STARD4: variants seen among roughly 807,000 people sequenced by gnomAD.
STARD4 encodes StAR related lipid transfer domain containing 4.
A neutral mutation model predicts 24.9 loss-of-function variants in STARD4; 33 were observed. That is an observed-to-expected ratio of 1.32 (90% CI 1.00 to 1.77). The LOEUF is 1.77. Among genes scored for constraint, STARD4 ranks in the 40% most tolerant of loss-of-function variants. The pLI is 0.00. For missense variants in STARD4, 238 were observed against 249.3 expected (o/e 0.95, Z 0.31); for synonymous variants, 88 against 77.4 (o/e 1.14, Z -0.72).
chr5:111,505,705 A>G (rs1490440850), intron 3 of STARD4, among the ~76,000 whole-genome samples: 1 of 152,154 alleles, frequency 6.6e-6, no homozygotes, highest in East Asian at 1.9e-4. Context: ...ATTCTTCAAG[A>G]TAAGTTCCTA....
intron 3 of STARD4, 68 bp from the exon 4 acceptor site, chr5:111,502,156 T>G: frequency 6.6e-7 from 1 of 1,524,292 alleles, no homozygotes; most frequent in South Asian, 1.3e-5. Flanking sequence ...TTATAGTGCA[T>G]AGCTAACTTT....
intron 1 of STARD4, among the ~76,000 whole-genome samples, chr5:111,509,039 G>A (rs1757060911): frequency 6.6e-6 from 1 of 152,020 alleles, no homozygotes; most frequent in South Asian, 2.1e-4. Context: ...CGGATGAAAA[G>A]TTGATGAGCT....
Position 111,502,079 on chromosome 5 carries a change from G to A in STARD4, c.165C>T (p.Ala55=). The change falls in exon 4 of 6, where the codon GCC becomes GCT. Residue 55 remains alanine, a synonymous_variant. Coordinates refer to ENST00000296632, the MANE Select transcript of STARD4 (RefSeq NM_139164.3). ...AGACAAGGTCATCTATAACACCTTG[G>A]GCTTTGTAGCTGGAGAAAAAAAGTT... The part of the protein sequence containing the change: ...SEEFNGYLYK[A]QGVIDDLVYS... 3.7e-6 allele frequency: 6 copies of A among 1,610,424 alleles called. No individual in the cohort carries two copies. Among genetic ancestry groups the A allele is most frequent in the Non-Finnish European group, 5.1e-6 (6 of 1,178,888 alleles).
In STARD4 at chr5:111,496,116, T is replaced by A. The variant is rs1283874329; in HGVS notation, c.*3770A>T. 5 of 152,008 alleles carry A rather than the reference T, an allele frequency of 3.3e-5. No homozygotes were observed. Among genetic ancestry groups the A allele is most frequent in the Admixed American group, 3.3e-4 (5 of 15,250 alleles). The allele number at this position is 152,008 out of a possible 1,614,324, so 9.4% of individuals were successfully genotyped here. On this transcript the variant is annotated 3_prime_UTR_variant, in exon 6 of 6. Coordinates refer to ENST00000296632, the MANE Select transcript of STARD4 (RefSeq NM_139164.3). Reference sequence around the variant, plus strand: ...ATTTTATTGATACTAATACATATTATTAGTTTAATAAATATTCTAGTTTTA... The same window carrying A: ...ATTTTATTGATACTAATACATATTAATAGTTTAATAAATATTCTAGTTTTA...
In STARD4 at chr5:111,506,399, A is replaced by G. The variant is rs756831662; in HGVS notation, c.106-20T>C. Reference sequence around the variant, plus strand: ...ATCTTTCTAGAAAAATAAAAACATTATATGGTAATAATTGCATAGGTGGAA... The same window carrying G: ...ATCTTTCTAGAAAAATAAAAACATTGTATGGTAATAATTGCATAGGTGGAA... On this transcript the variant is annotated intron_variant, in intron 2 of 5. Transcript: ENST00000296632. 4.6e-6 allele frequency: 6 copies of G among 1,301,988 alleles called. No individual in the cohort carries two copies. In the Admixed American group the frequency reaches 1.2e-4, roughly 26 times the overall value. The allele number at this position is 1,301,988 out of a possible 1,614,324, so 80.7% of individuals were successfully genotyped here.
At chr5:111,510,084 C>CA (rs1757138464) in intron 1 of STARD4, among the ~76,000 whole-genome samples, 1 of 152,052 alleles carries the variant, frequency 6.6e-6, no homozygotes, top group African/African-American at 2.4e-5. Context: ...GAAAGAAGTA[C>CA]AAAATCAGAA....
intron 4 of STARD4, 103 bp from the exon 5 acceptor site, chr5:111,501,219 T>C (rs1015815553): frequency 4.2e-6 from 5 of 1,196,348 alleles, no homozygotes; most frequent in Non-Finnish European, 5.6e-6. Flanking sequence ...TTATTTAAAA[T>C]GTTTCATAAT....
At chr5:111,505,916 A>C (rs1178783243) in intron 3 of STARD4, among the ~76,000 whole-genome samples, 4 of 152,078 alleles carry the variant, frequency 2.6e-5, no homozygotes, top group African/African-American at 9.7e-5. Context: ...GTTAAAAAAA[A>C]ATCGCCAGGT....
At position 111,500,652 on chromosome 5, in the gene STARD4, A is replaced by G. The variant is rs373266936; in HGVS notation, c.397+350T>C. 9 of 1,252,618 alleles carry G rather than the reference A, an allele frequency of 7.2e-6. No individual in the cohort carries two copies. In the Admixed American group the frequency reaches 3.7e-4, roughly 51 times the overall value. The allele number at this position is 1,252,618 out of a possible 1,614,324, so 77.6% of individuals were successfully genotyped here. A position where few individuals can be genotyped will look rare whatever the true frequency, so the allele number is the denominator to read the frequency against. On this transcript the variant is annotated intron_variant, in intron 5 of 5. Coordinates refer to ENST00000296632, the MANE Select transcript of STARD4 (RefSeq NM_139164.3). ...CTCAAGGAAGGAAGAATATTCTAAGACACACCAAATCTAGTACTTCTCTGT... is the reference window on the plus strand; with the variant it reads ...CTCAAGGAAGGAAGAATATTCTAAGGCACACCAAATCTAGTACTTCTCTGT...
Position 111,507,198 on chromosome 5 carries a change from T to C in STARD4, c.105+131A>G. 4.4e-6 allele frequency: 3 copies of C among 687,420 alleles called. No individual in the cohort carries two copies. Among genetic ancestry groups the C allele is most frequent in the African/African-American group, 1.8e-5 (1 of 54,636 alleles). 42.6% of individuals were successfully genotyped at this position (687,420 alleles called of 1,614,324 possible). A position where few individuals can be genotyped will look rare whatever the true frequency, so the allele number is the denominator to read the frequency against. On this transcript the variant is annotated intron_variant, in intron 2 of 5. Transcript: ENST00000296632. The surrounding 1 kb of genome is among the most constrained non-coding windows in gnomAD (Gnocchi z 4.4). ...ACATTAGACTATCAACTTTATTAGC[T>C]CAATTATTTTTCTTGCATATCCATC...
Position 111,498,855 on chromosome 5 carries a change from G to C in STARD4, c.*1031C>G, listed in dbSNP as rs950617364. ...TCCACTGTTCCACTTTGTCAAAATG[G>C]GTATGAAGAACTTTGATTTATTCTT... On this transcript the variant is annotated 3_prime_UTR_variant, in exon 6 of 6. Transcript: ENST00000296632. 3 of 152,030 alleles carry C rather than the reference G, an allele frequency of 2.0e-5. No individual in the cohort carries two copies. Among genetic ancestry groups the C allele is most frequent in the African/African-American group, 7.2e-5 (3 of 41,394 alleles). 9.4% of individuals were successfully genotyped at this position (152,030 alleles called of 1,614,324 possible). A position where few individuals can be genotyped will look rare whatever the true frequency, so the allele number is the denominator to read the frequency against.
chr5:111,500,371 A>G, intron 5 of STARD4: 3 of 1,139,652 alleles, frequency 2.6e-6, no homozygotes, highest in Non-Finnish European at 3.2e-6. Flanking sequence ...GGAAGCTACA[A>G]ATCTTGGTTG....
chr5:111,503,614 C>T (rs910735483), intron 3 of STARD4, among the ~76,000 whole-genome samples: 2 of 151,870 alleles, frequency 1.3e-5, no homozygotes, highest in Admixed American at 6.6e-5. Flanking sequence ...GGCGACACAG[C>T]GAAACTCCGT....
rs1468938024 is a variant in STARD4 at position 111,501,024 on chromosome 5, A to G, written c.375T>C (p.Tyr125=). 6.2e-7 allele frequency: 1 copy of G among 1,613,966 alleles called. No individual in the cohort carries two copies. The highest frequency in any genetic ancestry group is 1.7e-5 in the Admixed American group (1 of 60,012). Residue 125 remains tyrosine, a synonymous_variant, in exon 5 of 6, where the codon TAT becomes TAC. Transcript: ENST00000296632. ...TACCACAAGATAAAAGCCCTTCTTT[A>G]TAGCCCACAGTATAGGAGAAATCAA... ...EFVDFSYTVG[Y]KEGLLSCGIS... is the part of the protein sequence containing the mutation.
chr5:111,499,794 G>T lies in STARD4; in HGVS notation c.*92C>A. On this transcript the variant is annotated 3_prime_UTR_variant, in exon 6 of 6. Transcript: ENST00000296632. ...AAAAACATTTCAAATTTTTCTACCG[G>T]CTATGCAGAAAAGTGGAATCAATGA... 1 of 1,186,836 alleles carries T rather than the reference G, an allele frequency of 8.4e-7. No homozygotes were observed. The highest frequency in any genetic ancestry group is 1.2e-6 in the Non-Finnish European group (1 of 830,514). 73.5% of individuals were successfully genotyped at this position (1,186,836 alleles called of 1,614,324 possible).
intron 3 of STARD4, among the ~76,000 whole-genome samples, chr5:111,502,829 T>G (rs1292198303): frequency 2.0e-5 from 3 of 151,686 alleles, no homozygotes; most frequent in Non-Finnish European, 4.4e-5. Context: ...GTTTTTTTTT[T>G]TCTAAAGGGA....
rs772714273 is a variant in STARD4, at chr5:111,496,170, A to ACTT, written c.*3713_*3715dup. On this transcript the variant is annotated 3_prime_UTR_variant, in exon 6 of 6. Coordinates refer to ENST00000296632, the MANE Select transcript of STARD4 (RefSeq NM_139164.3). ...ATTGGTTCACAAAAGAATTATATAA[A>ACTT]CTTCTTAAAAATAAAATCTATACTA... The ACTT allele has an allele frequency of 3.3e-5, 5 of 152,070 alleles. No homozygotes were observed. The highest frequency in any genetic ancestry group is 1.2e-4 in the African/African-American group (5 of 41,448). The allele number at this position is 152,070 out of a possible 1,614,324, so 9.4% of individuals were successfully genotyped here.
intron 1 of STARD4, among the ~76,000 whole-genome samples, chr5:111,508,150 T>G (rs1757002171): frequency 6.6e-6 from 1 of 152,128 alleles, no homozygotes; most frequent in African/African-American, 2.4e-5. Flanking sequence ...AAACCTCCTA[T>G]CCTTCATAAA....
In STARD4 at chr5:111,504,524, TAAC is replaced by T. The variant is rs138172237; in HGVS notation, c.155+1803_155+1805del. Among the ~76,000 whole-genome samples, 895 of 152,226 alleles carry T rather than the reference TAAC, an allele frequency of 5.9e-3. 10 individuals carry two copies. Among genetic ancestry groups the T allele is most frequent in the African/African-American group, 0.021 (852 of 41,548 alleles). ...AAGTATGAAACAGGAACAACACACA[TAAC>T]TTCAGGACAGCAGTTACTTCTGGAG... On this transcript the variant is annotated intron_variant, in intron 3 of 5. Coordinates refer to ENST00000296632, the MANE Select transcript of STARD4 (RefSeq NM_139164.3).
Sources: gnomAD v4.1 joint callset for allele counts (sites outside exome capture counted in the v4.1 genomes callset) on GRCh38, gnomAD v4.1.1 for gene constraint, Gnocchi (gnomAD v3.1) non-coding constraint, MANE v1.5 for transcripts, NCBI Gene and HGNC (gene_info 2026-07-23, HGNC 2026-07-21) for gene names.